Variants in PCSK6 observed in about 807,000 individuals in gnomAD.
PCSK6 encodes the protein proprotein convertase subtilisin/kexin type 6, also known as paired basic amino acid cleaving enzyme 4.
In PCSK6, 85 loss-of-function variants were observed where a neutral mutation model predicts 123.3. That is an observed-to-expected ratio of 0.69 (90% CI 0.58 to 0.83). PCSK6 has a LOEUF of 0.83. PCSK6 is among the 40% of genes least tolerant of loss of function. The probability of loss-of-function intolerance (pLI) is 0.00; values close to 1 mark genes in which losing one functional copy is unlikely to be tolerated. For missense variants in PCSK6, 1,191 were observed against 1,282.3 expected (o/e 0.93, Z 1.09); for synonymous variants, 508 against 516.0 (o/e 0.98, Z 0.21).
chr15:101,414,005 G>A lies in PCSK6; in HGVS notation c.823+13887C>T, dbSNP rs186321871. On this transcript the variant is annotated intron_variant, in intron 6 of 21. Transcript: ENST00000611716. ...GTAAAAGGATGGAAAAACGTATACT[G>A]TACAACCATTAATCAAAGGAAAGTA... Among the ~76,000 whole-genome samples the A allele has an allele frequency of 1.2e-4, 19 of 152,246 alleles. 1 individual carries two copies. The East Asian group carries it at 3.5e-3, about 28-fold the overall frequency.
chr15:101,432,476 A>T (rs2141121993), intron 2 of PCSK6, among the ~76,000 whole-genome samples: 1 of 151,964 alleles, frequency 6.6e-6, no homozygotes, highest in East Asian at 1.9e-4. Flanking sequence ...AAAAAAAAAA[A>T]AATCTAGCTG....
intron 1 of PCSK6, among the ~76,000 whole-genome samples, chr15:101,465,926 G>C (rs2141219743): frequency 6.6e-6 from 1 of 152,222 alleles, no homozygotes; most frequent in South Asian, 2.1e-4. Flanking sequence ...GGGAGGGGCA[G>C]GGGTGCGGAG....
In PCSK6 at chr15:101,393,812, A is replaced by C. The variant is rs111348652; in HGVS notation, c.997-388T>G. ...GCTGCAAATGACACTGAGATTACAG[A>C]TGATGGAAGAATTTACAACTTTAAT... On this transcript the variant is annotated intron_variant, in intron 7 of 21. Coordinates refer to ENST00000611716, the MANE Select transcript of PCSK6 (RefSeq NM_002570.5). Among the ~76,000 whole-genome samples, 551 of 152,338 alleles carry C rather than the reference A, an allele frequency of 3.6e-3. 5 individuals carry two copies. Among genetic ancestry groups the C allele is most frequent in the African/African-American group, 0.012 (494 of 41,580 alleles).
rs1443829284 is a variant in PCSK6 at position 101,393,258 on chromosome 15, G to A, written c.1163C>T (p.Thr388Ile). 6.2e-7 allele frequency: 1 copy of A among 1,613,704 alleles called. No individual in the cohort carries two copies. The highest frequency in any genetic ancestry group is 1.7e-5 in the Admixed American group (1 of 59,974). Residue 388 changes from threonine to isoleucine, a missense_variant, in exon 8 of 22, where the codon ACC (threonine) becomes ATC (isoleucine). Thr to Ile is a moderately conservative substitution (Grantham distance 89). Coordinates refer to ENST00000611716, the MANE Select transcript of PCSK6 (RefSeq NM_002570.5). ...KPWYLEECASTLATTYSSGAF... is the reference protein window; with the variant it reads ...KPWYLEECASILATTYSSGAF... ...CCCACTGCTGTAGGTGGTGGCCAGG[G>A]TGGAGGCACACTCTTCCAGGTACCA...
chr15:101,454,756 C>T (rs2057130853), intron 1 of PCSK6, among the ~76,000 whole-genome samples: 1 of 151,984 alleles, frequency 6.6e-6, no homozygotes, highest in African/African-American at 2.4e-5. Flanking sequence ...ACCAGCCTGG[C>T]CAACAGCGTG....
intron 13 of PCSK6, among the ~76,000 whole-genome samples, chr15:101,357,142 G>A (rs544829612): frequency 2.6e-5 from 4 of 152,240 alleles, no homozygotes; most frequent in Admixed American, 1.3e-4. Context: ...CCACAGAAAC[G>A]AAGCACCCTG....
intron 6 of PCSK6, among the ~76,000 whole-genome samples, chr15:101,422,727 T>C (rs777927811): frequency 1.0e-3 from 157 of 152,174 alleles, no homozygotes; most frequent in Non-Finnish European, 1.8e-3. Context: ...GTTCACGCCA[T>C]TCTCCTGCCT....
At chr15:101,424,921 CAGAG>C (rs1160499823) in intron 6 of PCSK6, among the ~76,000 whole-genome samples, 1 of 152,172 alleles carries the variant, frequency 6.6e-6, no homozygotes, top group Non-Finnish European at 1.5e-5. Context: ...ATGCCGCTGA[CAGAG>C]AGACGAAAGA....
At chr15:101,375,989 G>A (rs796953868) in intron 11 of PCSK6, among the ~76,000 whole-genome samples, 31 of 152,256 alleles carry the variant, frequency 2.0e-4, no homozygotes, top group African/African-American at 7.5e-4. Context: ...AGCCGAGATC[G>A]CGCCACTGCA....
chr15:101,305,427 G>A lies in PCSK6; in HGVS notation c.2813-72C>T. On this transcript the variant is annotated intron_variant, in intron 21 of 21. Transcript: ENST00000611716. This position sits in a 1 kb window ranked among gnomAD's most constrained non-coding sequence, Gnocchi z 4.8. ...CGGTGCCTGTGAAGATTGTTTCAAG[G>A]CCGGGCGCGGTGCCTCATGCCTGTA... 1 of 1,306,952 alleles carries A rather than the reference G, an allele frequency of 7.7e-7. No individual in the cohort carries two copies. The highest frequency in any genetic ancestry group is 1.9e-5 in the Admixed American group (1 of 52,260). The allele number at this position is 1,306,952 out of a possible 1,614,324, so 81.0% of individuals were successfully genotyped here.
chr15:101,487,751 A>G (rs1364770687), intron 1 of PCSK6, among the ~76,000 whole-genome samples: 1 of 152,206 alleles, frequency 6.6e-6, no homozygotes, highest in Non-Finnish European at 1.5e-5. Flanking sequence ...CGCAAACATG[A>G]GGAACACCTT....
chr15:101,396,790 G>C (rs944460635), intron 7 of PCSK6, among the ~76,000 whole-genome samples: 1 of 152,128 alleles, frequency 6.6e-6, no homozygotes, highest in Non-Finnish European at 1.5e-5. Context: ...GCTGTCCAGT[G>C]TCCCAAGGAT....
intron 6 of PCSK6, among the ~76,000 whole-genome samples, chr15:101,417,742 T>C (rs1014469669): frequency 1.3e-5 from 2 of 151,822 alleles, no homozygotes; most frequent in African/African-American, 4.8e-5. Flanking sequence ...ACAACAAATT[T>C]AAAAGCTGAA....
intron 1 of PCSK6, among the ~76,000 whole-genome samples, chr15:101,474,883 T>C (rs904799781): frequency 1.3e-5 from 2 of 152,220 alleles, no homozygotes; most frequent in Non-Finnish European, 2.9e-5. Flanking sequence ...CTTGTCCCCA[T>C]GCACACCCTG....
At chr15:101,446,318 T>G (rs769207569) in intron 1 of PCSK6, among the ~76,000 whole-genome samples, 1 of 152,282 alleles carries the variant, frequency 6.6e-6, no homozygotes, top group Admixed American at 6.5e-5. Context: ...TTGGACCATG[T>G]GTCAGAATTT....
At chr15:101,476,391 G>A (rs905903394) in intron 1 of PCSK6, among the ~76,000 whole-genome samples, 1 of 152,146 alleles carries the variant, frequency 6.6e-6, no homozygotes, top group Non-Finnish European at 1.5e-5. Context: ...ATTCACAGGT[G>A]TGGTATAACA....
intron 1 of PCSK6, among the ~76,000 whole-genome samples, chr15:101,477,729 G>A (rs2057768435): frequency 6.6e-6 from 1 of 152,188 alleles, no homozygotes; most frequent in African/African-American, 2.4e-5. Flanking sequence ...ATGCAACTGT[G>A]GGTCCCCCTC....
intron 1 of PCSK6, among the ~76,000 whole-genome samples, chr15:101,461,747 A>G (rs1226021498): frequency 6.6e-6 from 1 of 152,204 alleles, no homozygotes; most frequent in East Asian, 1.9e-4. Context: ...ATACAGGAAA[A>G]GCATTAGATA....
At chr15:101,417,004 T>G (rs1440001975) in intron 6 of PCSK6, among the ~76,000 whole-genome samples, 1 of 152,188 alleles carries the variant, frequency 6.6e-6, no homozygotes, top group Admixed American at 6.5e-5. Flanking sequence ...TACTGCCTAG[T>G]GGACCTGTGA....
Sources: allele counts gnomAD v4.1 joint callset (sites outside exome capture counted in the v4.1 genomes callset), GRCh38; gene constraint gnomAD v4.1.1; non-coding constraint Gnocchi (gnomAD v3.1); transcripts MANE v1.5; gene names NCBI Gene and HGNC (gene_info 2026-07-23, HGNC 2026-07-21).